The following MRC2 variants were observed in gnomAD, a reference collection of about 807,000 sequenced individuals.
MRC2 encodes the protein mannose receptor C-type 2, also known as C-type mannose receptor 2.
Under a neutral mutation model 206.2 loss-of-function variants are expected in MRC2, and 84 were observed. That is an observed-to-expected ratio of 0.41 (90% confidence interval 0.34 to 0.49). The LOEUF is 0.49. Ranked by LOEUF, MRC2 falls within the 20% of genes least tolerant of loss-of-function variation. MRC2 has a pLI of 0.31. For missense variants in MRC2, 1,676 were observed against 2,001.5 expected, an observed-to-expected ratio of 0.84 and a Z score of 3.10; for synonymous variants, 798 against 800.0, an observed-to-expected ratio of 1.00 and a Z score of 0.04.
intron 1 of MRC2, among the ~76,000 whole-genome samples, chr17:62,640,034 T>TTA (rs1555675241): frequency 4.0e-5 from 4 of 99,556 alleles, no homozygotes; most frequent in Non-Finnish European, 8.4e-5. Flanking sequence ...TTTTTTTTTT[T>TTA]TTTTTTTGTA....
chr17:62,654,638 C>T (rs1026704117), intron 1 of MRC2, among the ~76,000 whole-genome samples: 1 of 152,116 alleles, frequency 6.6e-6, no homozygotes, highest in African/African-American at 2.4e-5. Flanking sequence ...CAAGCCTTTG[C>T]ACTCAGCCTC....
At chr17:62,645,484 G>A (rs2088464153) in intron 1 of MRC2, among the ~76,000 whole-genome samples, 2 of 121,554 alleles carry the variant, frequency 1.6e-5, no homozygotes, top group Admixed American at 1.8e-4. Context: ...CATAATATGT[G>A]TGTGTGTATA....
intron 1 of MRC2, among the ~76,000 whole-genome samples, chr17:62,632,053 G>A (rs2084220322): frequency 6.6e-6 from 1 of 152,090 alleles, no homozygotes; most frequent in Non-Finnish European, 1.5e-5. Context: ...CCACGCCTGG[G>A]TCCTGTGAAT....
At chr17:62,651,352 G>T (rs994005211) in intron 1 of MRC2, among the ~76,000 whole-genome samples, 2 of 151,972 alleles carry the variant, frequency 1.3e-5, no homozygotes, top group Non-Finnish European at 2.9e-5. Flanking sequence ...AGAGTGCTGG[G>T]ATTACAGGCG....
chr17:62,688,501 C>T lies in MRC2; in HGVS notation c.3062C>T (p.Ala1021Val), dbSNP rs2147492533. ...LVTITNPLEQ[A>V]FITASLPNVT... is the part of the protein sequence containing the mutation. ...CACAACTGTCTTCTGGGGACCATAGCATTCATCACAGCCAGCCTGCCCAAT... is the reference window on the plus strand; with the variant it reads ...CACAACTGTCTTCTGGGGACCATAGTATTCATCACAGCCAGCCTGCCCAAT... Residue 1021 changes from alanine (A) to valine (V), a missense_variant and splice_region_variant, in exon 22 of 30, where the codon GCA (alanine) becomes GTA (valine). Physicochemically the swap from Ala to Val is moderately conservative, Grantham distance 64. This residue lies in a region of MRC2 where 1,354 missense variants were observed against 1,636.6 expected (regional missense o/e 0.83). Transcript: ENST00000303375. 6.2e-7 allele frequency: 1 copy of T among 1,614,226 alleles called. No homozygotes were observed. The highest frequency in any genetic ancestry group is 1.6e-4 in the Middle Eastern group (1 of 6,062).
intron 1 of MRC2, among the ~76,000 whole-genome samples, chr17:62,641,331 AAGAG>A (rs1313499640): frequency 2.0e-5 from 3 of 151,426 alleles, no homozygotes; most frequent in Admixed American, 6.6e-5. Context: ...AAAAAAAAAA[AAGAG>A]AAGAAAAGAA....
chr17:62,635,069 G>A lies in MRC2; in HGVS notation c.118+7149G>A, dbSNP rs191197743. On this transcript the variant is annotated intron_variant, in intron 1 of 29. Transcript: ENST00000303375. Reference sequence around the variant, plus strand: ...GGGTCTTGAACTCCTGACCTCAGGCGATCCACCCGCCTTGGCCTCCCAAAG... The same window carrying A: ...GGGTCTTGAACTCCTGACCTCAGGCAATCCACCCGCCTTGGCCTCCCAAAG... 2.4e-4 allele frequency among the ~76,000 whole-genome samples: 37 copies of A among 151,792 alleles called. No homozygotes were observed. The East Asian group carries it at 6.4e-3, about 26-fold the overall frequency.
intron 1 of MRC2, among the ~76,000 whole-genome samples, chr17:62,662,687 A>T (rs1243499160): frequency 3.9e-5 from 6 of 152,244 alleles, no homozygotes; most frequent in African/African-American, 1.4e-4. Context: ...AGGTGGGCGG[A>T]TCACCCGAGG....
intron 1 of MRC2, among the ~76,000 whole-genome samples, chr17:62,640,518 T>TTTTTG (rs755421144): frequency 2.0e-5 from 3 of 151,910 alleles, no homozygotes; most frequent in Non-Finnish European, 4.4e-5. Flanking sequence ...CAGGTCCACT[T>TTTTTG]TTTTGTTTTG....
intron 1 of MRC2, among the ~76,000 whole-genome samples, chr17:62,628,222 C>G (rs1026360001): frequency 1.3e-5 from 2 of 152,020 alleles, no homozygotes; most frequent in African/African-American, 4.8e-5. Flanking sequence ...CTTGAGGACC[C>G]CCGCGCACCG....
At position 62,664,858 on chromosome 17, in the gene MRC2, G is replaced by T. The variant is rs756654653; in HGVS notation, c.429G>T (p.Lys143Asn). ...GGGCCCGCACCAGCAACATATCCAA[G>T]CCTGGCACCCTTGAGCGTGGTGACC... is the stretch of plus-strand genomic sequence containing the variant. The part of the protein sequence containing the change: ...LLGARTSNIS[K>N]PGTLERGDQT... The change falls in exon 2 of 30, where the codon AAG becomes AAT. Residue 143 changes from lysine (K) to asparagine (N), a missense_variant. Lys to Asn is a moderately conservative substitution (Grantham distance 94, BLOSUM62 0). Around this residue, in one of 3 missense-constraint regions of MRC2, gnomAD observed 318 missense variants for 346.7 expected, o/e 0.92. Coordinates refer to ENST00000303375, the MANE Select transcript of MRC2 (RefSeq NM_006039.5). The surrounding 1 kb of genome is among the most constrained non-coding windows in gnomAD (Gnocchi z 4.7). 3.7e-6 allele frequency: 6 copies of T among 1,613,764 alleles called. No individual in the cohort carries two copies. The South Asian group carries it at 5.5e-5, about 15-fold the overall frequency.
In MRC2 at chr17:62,627,755, C is replaced by A; in HGVS notation, c.-48C>A. ...GCCTCGGGGCTGCCACAGCGCGTTG[C>A]GCCTGTGCGCCCTCGGTCCCCGCGT... is the stretch of plus-strand genomic sequence containing the variant. On this transcript the variant is annotated 5_prime_UTR_variant, in exon 1 of 30. Transcript: ENST00000303375. 1 of 1,327,146 alleles carries A rather than the reference C, an allele frequency of 7.5e-7. No individual in the cohort carries two copies. Among genetic ancestry groups the A allele is most frequent in the Non-Finnish European group, 9.7e-7 (1 of 1,034,610 alleles). The allele number at this position is 1,327,146 out of a possible 1,614,324, so 82.2% of individuals were successfully genotyped here. A position where few individuals can be genotyped will look rare whatever the true frequency, so the allele number is the denominator to read the frequency against.
chr17:62,673,410 A>G (rs115616566), intron 8 of MRC2, among the ~76,000 whole-genome samples: 2 of 152,178 alleles, frequency 1.3e-5, no homozygotes, highest in African/African-American at 4.8e-5. Flanking sequence ...TGGGAATCCA[A>G]GCTGTCTATC....
At position 62,664,021 on chromosome 17, in the gene MRC2, G is replaced by A. The variant is rs1217338746; in HGVS notation, c.119-527G>A. Among the ~76,000 whole-genome samples the A allele has an allele frequency of 2.0e-5, 3 of 148,376 alleles. No individual in the cohort carries two copies. The highest frequency in any genetic ancestry group is 4.5e-5 in the Non-Finnish European group (3 of 67,218). On this transcript the variant is annotated intron_variant, in intron 1 of 29. Coordinates refer to ENST00000303375, the MANE Select transcript of MRC2 (RefSeq NM_006039.5). This position sits in a 1 kb window ranked among gnomAD's most constrained non-coding sequence, Gnocchi z 4.7. ...GTCGCCCAGGCTGGAGTGCAGTGGCGGGATCTCGGCTCACTGCAAGCTCCG... is the reference window on the plus strand; with the variant it reads ...GTCGCCCAGGCTGGAGTGCAGTGGCAGGATCTCGGCTCACTGCAAGCTCCG...
At chr17:62,659,184 C>T (rs1244889934) in intron 1 of MRC2, among the ~76,000 whole-genome samples, 1 of 152,028 alleles carries the variant, frequency 6.6e-6, no homozygotes, top group Non-Finnish European at 1.5e-5. Flanking sequence ...AAGGCTCTTC[C>T]CTAATGACCT....
Position 62,671,752 on chromosome 17 carries a change from G to A in MRC2, c.1221G>A (p.Lys407=). The change falls in exon 7 of 30, where the codon AAG becomes AAA. Residue 407 remains lysine (K), a synonymous_variant. Coordinates refer to ENST00000303375, the MANE Select transcript of MRC2 (RefSeq NM_006039.5). The surrounding 1 kb of genome is among the most constrained non-coding windows in gnomAD (Gnocchi z 4.5). Reference sequence around the variant, plus strand: ...AGAAGCGCAGCTGGCAGGAGTCCAAGAAGGCATGTCTACGGGGCGGTGGCG... The same window carrying A: ...AGAAGCGCAGCTGGCAGGAGTCCAAAAAGGCATGTCTACGGGGCGGTGGCG... ...QAEKRSWQES[K]KACLRGGGDL... is the part of the protein sequence containing the mutation. The A allele has an allele frequency of 6.2e-7, 1 of 1,613,446 alleles. No individual in the cohort carries two copies. Among genetic ancestry groups the A allele is most frequent in the Non-Finnish European group, 8.5e-7 (1 of 1,179,714 alleles).
At chr17:62,628,103 G>C (rs1165531372) in intron 1 of MRC2, among the ~76,000 whole-genome samples, 183 bp downstream of exon 1, 2 of 152,054 alleles carry the variant, frequency 1.3e-5, no homozygotes, top group Non-Finnish European at 2.9e-5. Context: ...GAGAGGGGAG[G>C]AGGAGCGCGC....
chr17:62,669,127 A>C (rs957717968), intron 6 of MRC2, among the ~76,000 whole-genome samples: 47 of 144,230 alleles, frequency 3.3e-4, no homozygotes, highest in African/African-American at 1.2e-3. Flanking sequence ...CACACACACA[A>C]CACTAACTAC....
chr17:62,677,379 G>A lies in MRC2; in HGVS notation c.1945G>A (p.Gly649Ser), dbSNP rs778511645. The A allele has an allele frequency of 1.9e-6, 3 of 1,610,584 alleles. No homozygotes were observed. Among genetic ancestry groups the A allele is most frequent in the Non-Finnish European group, 2.5e-6 (3 of 1,179,140 alleles). ...CCGCTACATCTGCCGGCAGAGCCTG[G>A]GCACTCCAGTGACGCCGGAGCTGCC... Reference protein sequence around the residue: ...RARYICRQSLGTPVTPELPGP... With the variant: ...RARYICRQSLSTPVTPELPGP... Residue 649 changes from glycine (G) to serine (S), a missense_variant, in exon 12 of 30, where the codon GGC becomes AGC. Gly to Ser is a moderately conservative substitution (Grantham distance 56). Around this residue, in one of 3 missense-constraint regions of MRC2, gnomAD observed 1,354 missense variants for 1,636.6 expected, o/e 0.83. Coordinates refer to ENST00000303375, the MANE Select transcript of MRC2 (RefSeq NM_006039.5).
Sources: gnomAD v4.1 joint callset for allele counts (sites outside exome capture counted in the v4.1 genomes callset) on GRCh38, gnomAD v4.1.1 for gene constraint, gnomAD v4.1.1 regional missense constraint, Gnocchi (gnomAD v3.1) non-coding constraint, MANE v1.5 for transcripts, NCBI Gene and HGNC (gene_info 2026-07-23, HGNC 2026-07-21) for gene names.